The following TANC2 variants were observed in gnomAD, a reference collection of about 807,000 sequenced individuals.
The protein encoded by TANC2 is protein TANC2.
Under a neutral mutation model 210.5 loss-of-function variants are expected in TANC2, and 26 were observed. The ratio of observed to expected loss-of-function variants is 0.12; its 90% CI spans 0.09 to 0.17. The LOEUF is 0.17. Among genes scored for constraint, TANC2 ranks in the 10% least tolerant of loss-of-function variants. TANC2 has a pLI of 1.00. For missense variants in TANC2, 2,129 were observed against 2,608.9 expected, an observed-to-expected ratio of 0.82 and a Z score of 4.01; for synonymous variants, 931 against 967.1, an observed-to-expected ratio of 0.96 and a Z score of 0.69.
exon 21 of TANC2, chr17:63,406,255 C>A: frequency 6.2e-7 from 1 of 1,613,846 alleles, no homozygotes; most frequent in East Asian, 2.2e-5. Flanking sequence ...ATCTAGGAAC[C>A]GTGGACTTTC....
At chr17:62,968,193 A>G (rs968908578) in intron 1 of TANC2, among the ~76,000 whole-genome samples, 2 of 152,234 alleles carry the variant, frequency 1.3e-5, no homozygotes, top group African/African-American at 4.8e-5. Flanking sequence ...TTATATGTAT[A>G]CATACAATGA....
chr17:63,091,041 T>G (rs1453741050), intron 3 of TANC2, among the ~76,000 whole-genome samples: 1 of 152,056 alleles, frequency 6.6e-6, no homozygotes, highest in Non-Finnish European at 1.5e-5. Context: ...CTTTGCCCAC[T>G]TGTTGATGGG....
At chr17:62,985,456 T>C (rs1047326640) in intron 1 of TANC2, among the ~76,000 whole-genome samples, 10 of 152,328 alleles carry the variant, frequency 6.6e-5, no homozygotes, top group African/African-American at 2.2e-4. Context: ...TCATGAAATA[T>C]ATTTTCTACT....
chr17:63,114,732 A>T (rs770149941), intron 4 of TANC2, among the ~76,000 whole-genome samples: 1 of 152,190 alleles, frequency 6.6e-6, no homozygotes, highest in Non-Finnish European at 1.5e-5. Flanking sequence ...AGCAAGACTG[A>T]AAAAAGAATA....
chr17:63,171,242 C>T (rs2040396628), intron 5 of TANC2, among the ~76,000 whole-genome samples: 1 of 151,960 alleles, frequency 6.6e-6, no homozygotes, highest in Admixed American at 6.6e-5. Context: ...ACCACCACAC[C>T]TGGCTAATTT....
At chr17:63,207,216 T>G (rs928867451) in intron 7 of TANC2, among the ~76,000 whole-genome samples, 1 of 139,192 alleles carries the variant, frequency 7.2e-6, no homozygotes, top group Non-Finnish European at 1.5e-5. Context: ...TTTTCCTTTT[T>G]TTTTTTTTTT....
intron 4 of TANC2, among the ~76,000 whole-genome samples, chr17:63,147,133 G>C (rs1337501746): frequency 6.6e-6 from 1 of 151,836 alleles, no homozygotes; most frequent in Admixed American, 6.6e-5. Context: ...AGGAGTTCCA[G>C]ACCAGCCTGG....
At chr17:63,324,182 G>C (rs2045576177) in intron 11 of TANC2, among the ~76,000 whole-genome samples, 1 of 152,152 alleles carries the variant, frequency 6.6e-6, no homozygotes, top group Non-Finnish European at 1.5e-5. Flanking sequence ...ACAGTCCTTA[G>C]ATTAAGAAGC....
chr17:63,026,246 T>C (rs1403520091), intron 2 of TANC2, among the ~76,000 whole-genome samples: 1 of 152,188 alleles, frequency 6.6e-6, no homozygotes, highest in Non-Finnish European at 1.5e-5. Context: ...TTATCTGTCT[T>C]TCCTACTAGA....
chr17:63,335,182 T>C (rs2045983880), intron 11 of TANC2, among the ~76,000 whole-genome samples: 1 of 152,192 alleles, frequency 6.6e-6, no homozygotes, highest in Non-Finnish European at 1.5e-5. Context: ...ATGAACCCTG[T>C]GATATGATCC....
At chr17:63,202,850 AT>A in intron 7 of TANC2, among the ~76,000 whole-genome samples, 1 of 152,066 alleles carries the variant, frequency 6.6e-6, no homozygotes, top group African/African-American at 2.4e-5. Flanking sequence ...CTTGAATATT[AT>A]ATGTTGTTTT....
intron 11 of TANC2, among the ~76,000 whole-genome samples, chr17:63,339,708 C>A (rs754256357): frequency 6.6e-6 from 1 of 151,390 alleles, no homozygotes; most frequent in Non-Finnish European, 1.5e-5. Flanking sequence ...TATTTTATTC[C>A]TCATGCTTTG....
intron 9 of TANC2, among the ~76,000 whole-genome samples, chr17:63,302,135 T>A (rs2044739385): frequency 6.6e-6 from 1 of 152,064 alleles, no homozygotes; most frequent in Non-Finnish European, 1.5e-5. Context: ...CACTGTGGTC[T>A]GAGAAACTGT....
chr17:63,167,570 T>C (rs1193321833), intron 5 of TANC2, among the ~76,000 whole-genome samples: 1 of 152,168 alleles, frequency 6.6e-6, no homozygotes, highest in African/African-American at 2.4e-5. Flanking sequence ...AATGTATTAA[T>C]TAACTCTATA....
At chr17:63,096,164 T>C (rs536690643) in intron 3 of TANC2, among the ~76,000 whole-genome samples, 1 of 152,252 alleles carries the variant, frequency 6.6e-6, no homozygotes, top group Admixed American at 6.5e-5. Flanking sequence ...TCATGAAAGA[T>C]TGGAAATCAA....
At chr17:63,134,195 G>T (rs1300797646) in intron 4 of TANC2, among the ~76,000 whole-genome samples, 1 of 151,984 alleles carries the variant, frequency 6.6e-6, no homozygotes, top group African/African-American at 2.4e-5. Flanking sequence ...ATTACTTCTT[G>T]TAATTTTTCA....
chr17:63,361,983 G>T lies in TANC2; in HGVS notation c.2582+6593G>T, dbSNP rs146339784. Among the ~76,000 whole-genome samples, 231 of 152,326 alleles carry T rather than the reference G, an allele frequency of 1.5e-3. 5 individuals are homozygous for T. The East Asian group carries it at 0.037, about 24-fold the overall frequency. On this transcript the variant is annotated intron_variant, in intron 14 of 27. Transcript: ENST00000689528. ...CCCGACAAGTGTACAACCCTCAGCA[G>T]AGAGGAGACCTGGAATGGGTAGCTT...
intron 9 of TANC2, among the ~76,000 whole-genome samples, chr17:63,304,452 G>T (rs1046717387): frequency 1.3e-5 from 2 of 152,164 alleles, no homozygotes; most frequent in African/African-American, 4.8e-5. Flanking sequence ...ATGGGTGCTT[G>T]CTCCTTCCTC....
At chr17:63,155,446 C>T (rs893615464) in intron 5 of TANC2, among the ~76,000 whole-genome samples, 1 of 151,990 alleles carries the variant, frequency 6.6e-6, no homozygotes, top group East Asian at 1.9e-4. Context: ...GATGGTGATA[C>T]TCTGTTTTTA....
Sources: allele counts gnomAD v4.1 joint callset (sites outside exome capture counted in the v4.1 genomes callset), GRCh38; gene constraint gnomAD v4.1.1; transcripts MANE v1.5; gene names NCBI Gene and HGNC (gene_info 2026-07-23, HGNC 2026-07-21).